The following LRRC1 variants were observed in gnomAD, a reference collection of about 807,000 sequenced individuals.
LRRC1 encodes the protein leucine rich repeat containing 1.
A neutral mutation model predicts 69.9 loss-of-function variants in LRRC1; 28 were observed. The ratio of observed to expected loss-of-function variants is 0.40; its 90% confidence interval spans 0.30 to 0.55. The LOEUF is 0.55. Ranked by LOEUF, LRRC1 falls within the 20% of genes least tolerant of loss-of-function variation. The pLI is 0.47. For synonymous variants in LRRC1, 236 were observed against 240.2 expected, an observed-to-expected ratio of 0.98 and a Z score of 0.16; for missense variants, 498 against 609.0, an observed-to-expected ratio of 0.82 and a Z score of 1.92.
At chr6:53,845,699 C>G (rs1324258336) in intron 2 of LRRC1, among the ~76,000 whole-genome samples, 1 of 152,194 alleles carries the variant, frequency 6.6e-6, no homozygotes, top group Non-Finnish European at 1.5e-5. Flanking sequence ...GCTTATCATA[C>G]TTGAATGTGC....
chr6:53,807,747 T>TCAACAACAACAA (rs60487267), intron 1 of LRRC1, among the ~76,000 whole-genome samples: 1 of 150,442 alleles, frequency 6.6e-6, no homozygotes, highest in Admixed American at 6.6e-5. Flanking sequence ...CTCCGTGTCG[T>TCAACAACAACAA]CAACAACAAC....
intron 1 of LRRC1, among the ~76,000 whole-genome samples, chr6:53,810,698 C>T (rs978160107): frequency 2.6e-5 from 4 of 151,884 alleles, no homozygotes; most frequent in Admixed American, 2.0e-4. Context: ...TTTGAGAGAA[C>T]AAAAACATAC....
intron 1 of LRRC1, among the ~76,000 whole-genome samples, chr6:53,819,398 G>A (rs7755706): frequency 1 from 152,072 of 152,266 alleles, 75,940 homozygotes; most frequent in Middle Eastern, 1. Context: ...TAAAGAAGAC[G>A]TTATGTTCCT....
At position 53,852,142 on chromosome 6, in the gene LRRC1, C is replaced by G. The variant is rs371147497; in HGVS notation, c.277+9915C>G. Among the ~76,000 whole-genome samples the G allele has an allele frequency of 2.0e-5, 3 of 152,218 alleles. No homozygotes were observed. The East Asian group carries it at 5.8e-4, about 29-fold the overall frequency. ...ATCTGTAAAATGATTTTAATAGCAC[C>G]TACTGTATAGAGATGTTTTTGACTC... is the stretch of plus-strand genomic sequence containing the variant. On this transcript the variant is annotated intron_variant, in intron 2 of 13. Transcript: ENST00000370888.
chr6:53,799,498 G>A (rs1321505770), intron 1 of LRRC1, among the ~76,000 whole-genome samples: 1 of 152,220 alleles, frequency 6.6e-6, no homozygotes, highest in Non-Finnish European at 1.5e-5. Flanking sequence ...CACCAATCTG[G>A]TGAAGCTATT....
intron 1 of LRRC1, among the ~76,000 whole-genome samples, chr6:53,838,140 T>C (rs973666975): frequency 6.6e-6 from 1 of 152,212 alleles, no homozygotes; most frequent in Admixed American, 6.5e-5. Context: ...GGAAGCTGAA[T>C]ATTTGAGAAT....
At chr6:53,853,837 T>A (rs1220545858) in intron 2 of LRRC1, among the ~76,000 whole-genome samples, 1 of 152,128 alleles carries the variant, frequency 6.6e-6, no homozygotes, top group African/African-American at 2.4e-5. Context: ...GTAGCTTTCT[T>A]CTATGGAGAT....
intron 2 of LRRC1, among the ~76,000 whole-genome samples, chr6:53,858,092 CCTT>C (rs1402809848): frequency 6.6e-6 from 1 of 152,178 alleles, no homozygotes; most frequent in Non-Finnish European, 1.5e-5. Context: ...CCAATTATCT[CCTT>C]CTGGAGTCTG....
At chr6:53,810,368 C>G (rs1014704968) in intron 1 of LRRC1, among the ~76,000 whole-genome samples, 1 of 152,190 alleles carries the variant, frequency 6.6e-6, no homozygotes, top group Non-Finnish European at 1.5e-5. Context: ...CACCTGTAAT[C>G]CCAGCACTTT....
At chr6:53,824,620 A>G (rs1765206260) in intron 1 of LRRC1, among the ~76,000 whole-genome samples, 2 of 152,082 alleles carry the variant, frequency 1.3e-5, no homozygotes, top group Non-Finnish European at 2.9e-5. Context: ...TGAATTTTGG[A>G]TGCTGTTTTA....
chr6:53,863,842 C>A (rs935367159), intron 2 of LRRC1, among the ~76,000 whole-genome samples: 1 of 152,062 alleles, frequency 6.6e-6, no homozygotes, highest in Non-Finnish European at 1.5e-5. Context: ...AGATTTCAAC[C>A]CACTAGTCAG....
At chr6:53,915,244 C>T (rs182058830) in intron 11 of LRRC1, among the ~76,000 whole-genome samples, 20 of 152,266 alleles carry the variant, frequency 1.3e-4, no homozygotes, top group African/African-American at 4.8e-4. Flanking sequence ...CACGGGTCAC[C>T]ATTTTTTACT....
At chr6:53,845,370 T>TTTC (rs1765910682) in intron 2 of LRRC1, among the ~76,000 whole-genome samples, 1 of 152,194 alleles carries the variant, frequency 6.6e-6, no homozygotes. Context: ...TTAATCTGAA[T>TTTC]ACCCTAGGTA....
At chr6:53,805,898 A>T (rs1301503267) in intron 1 of LRRC1, among the ~76,000 whole-genome samples, 1 of 152,194 alleles carries the variant, frequency 6.6e-6, no homozygotes, top group Admixed American at 6.5e-5. Context: ...AGCAGGATAC[A>T]GTCTGGCGGC....
chr6:53,878,615 G>A (rs1440948470), intron 2 of LRRC1, among the ~76,000 whole-genome samples: 2 of 152,204 alleles, frequency 1.3e-5, no homozygotes, highest in Non-Finnish European at 2.9e-5. Flanking sequence ...GTGATGGGGA[G>A]TGGCTGTAAA....
rs565258164 is a variant in LRRC1 at position 53,883,169 on chromosome 6, G to A, written c.446+193G>A. Among the ~76,000 whole-genome samples, 10 of 152,220 alleles carry A rather than the reference G, an allele frequency of 6.6e-5. No individual in the cohort carries two copies. The East Asian group carries it at 1.4e-3, about 21-fold the overall frequency. ...ATCTAATTTTCCCTAAATTTTATTG[G>A]TTAAAAAGGGTACTGCTACTTGTTA... On this transcript the variant is annotated intron_variant, in intron 4 of 13. Transcript: ENST00000370888.
chr6:53,915,391 C>G (rs561517108), intron 11 of LRRC1, among the ~76,000 whole-genome samples: 1 of 152,148 alleles, frequency 6.6e-6, no homozygotes, highest in Non-Finnish European at 1.5e-5. Context: ...ATTCTTAAGA[C>G]CACTAACTGG....
At chr6:53,844,622 G>A (rs1478462358) in intron 2 of LRRC1, among the ~76,000 whole-genome samples, 1 of 152,162 alleles carries the variant, frequency 6.6e-6, no homozygotes, top group African/African-American at 2.4e-5. Context: ...AAATGTTTCT[G>A]CTCCTTGGAA....
At chr6:53,917,090 T>C (rs754578884) in intron 11 of LRRC1, among the ~76,000 whole-genome samples, 25 of 152,218 alleles carry the variant, frequency 1.6e-4, no homozygotes, top group Non-Finnish European at 1.9e-4. Flanking sequence ...AAATGTATTA[T>C]TAGCTCCTTT....
Sources: gnomAD v4.1 joint callset for allele counts (sites outside exome capture counted in the v4.1 genomes callset) on GRCh38, gnomAD v4.1.1 for gene constraint, MANE v1.5 for transcripts, NCBI Gene and HGNC (gene_info 2026-07-23, HGNC 2026-07-21) for gene names.